OPHN1: variants seen among roughly 807,000 people sequenced by gnomAD.
The protein encoded by OPHN1 is oligophrenin-1.
Under a neutral mutation model 60.7 loss-of-function variants are expected in OPHN1, and 11 were observed. That is an observed-to-expected ratio of 0.18 (90% CI 0.11 to 0.30). OPHN1 has a LOEUF of 0.30. Ranked by LOEUF, OPHN1 falls within the 10% of genes least tolerant of loss-of-function variation. The probability of loss-of-function intolerance (pLI) is 1.00; values close to 1 mark genes in which losing one functional copy is unlikely to be tolerated. For synonymous variants in OPHN1, 226 were observed against 222.6 expected (o/e 1.02, Z -0.14); for missense variants, 449 against 611.0 (o/e 0.73, Z 2.80).
chrX:68,164,271 T>C (rs940267905), intron 15 of OPHN1, among the ~76,000 whole-genome samples: 1 of 112,330 alleles, frequency 8.9e-6, no homozygotes, highest in African/African-American at 3.2e-5. Flanking sequence ...TTCAATATAC[T>C]CTGCCCATAT....
At chrX:68,336,996 G>A (rs1347920152) in intron 2 of OPHN1, among the ~76,000 whole-genome samples, 1 of 110,622 alleles carries the variant, frequency 9.0e-6, no homozygotes, top group East Asian at 2.8e-4. Flanking sequence ...GGGAGGGAGA[G>A]GTTGTGGTGA....
intron 16 of OPHN1, among the ~76,000 whole-genome samples, chrX:68,118,127 C>A (rs764355249): frequency 2.8e-4 from 31 of 111,650 alleles, no homozygotes; most frequent in Admixed American, 2.9e-4. Context: ...GAAGATGCCC[C>A]AGTACCAGGG....
chrX:68,127,553 A>G (rs2077176864), intron 15 of OPHN1, among the ~76,000 whole-genome samples: 1 of 111,557 alleles, frequency 9.0e-6, no homozygotes, highest in African/African-American at 3.3e-5. Flanking sequence ...CATAATGTCA[A>G]TGAATGTGAA....
chrX:68,269,033 A>T (rs2077950519), intron 5 of OPHN1, among the ~76,000 whole-genome samples: 1 of 111,692 alleles, frequency 9.0e-6, no homozygotes, highest in South Asian at 3.8e-4. Context: ...CTTACAAGGG[A>T]CATGAAGGAC....
At chrX:68,171,201 T>A (rs1315507624) in intron 15 of OPHN1, among the ~76,000 whole-genome samples, 1 of 110,907 alleles carries the variant, frequency 9.0e-6, no homozygotes, top group African/African-American at 3.3e-5. Flanking sequence ...TTATTATGCA[T>A]TGCATGCCTG....
chrX:68,335,376 G>GTCC (rs1449250402), intron 2 of OPHN1, among the ~76,000 whole-genome samples: 1 of 111,911 alleles, frequency 8.9e-6, no homozygotes, highest in Non-Finnish European at 1.9e-5. Flanking sequence ...ATACTGCTGT[G>GTCC]TCCTTTGCAG....
At chrX:68,362,552 T>A (rs2078478430) in intron 2 of OPHN1, among the ~76,000 whole-genome samples, 1 of 111,387 alleles carries the variant, frequency 9.0e-6, no homozygotes, top group African/African-American at 3.3e-5. Flanking sequence ...GTAACGAGTA[T>A]GTTAATTAGC....
At chrX:68,053,624 T>A (rs1298839592) in intron 22 of OPHN1, 21 bp downstream of exon 22, 1 of 1,206,558 alleles carries the variant, frequency 8.3e-7, no homozygotes, top group Admixed American at 2.2e-5. Flanking sequence ...TCAGTCAACT[T>A]TGAGGTACAA....
At chrX:68,231,239 T>C (rs2077727442) in intron 6 of OPHN1, among the ~76,000 whole-genome samples, 1 of 111,955 alleles carries the variant, frequency 8.9e-6, no homozygotes, top group African/African-American at 3.2e-5. Context: ...ATATTCCATG[T>C]ACATATTAGG....
intron 5 of OPHN1, among the ~76,000 whole-genome samples, chrX:68,239,708 T>C (rs1218884256): frequency 4.5e-5 from 5 of 112,209 alleles, no homozygotes; most frequent in Non-Finnish European, 1.9e-5. Context: ...TATAATTATA[T>C]CATCTGCAAA....
intron 16 of OPHN1, among the ~76,000 whole-genome samples, chrX:68,116,121 G>A (rs769912277): frequency 1.8e-5 from 2 of 111,405 alleles, no homozygotes; most frequent in Non-Finnish European, 3.8e-5. Context: ...TTTATTGTGT[G>A]GAGGAATCTC....
chrX:68,185,925 GTTAA>G (rs1385950840), intron 15 of OPHN1, among the ~76,000 whole-genome samples: 1 of 111,118 alleles, frequency 9.0e-6, no homozygotes, highest in Admixed American at 9.7e-5. Flanking sequence ...GTCTCCCAAA[GTTAA>G]TATATTCTCC....
chrX:68,416,265 A>T (rs1351326631), intron 2 of OPHN1, among the ~76,000 whole-genome samples: 2 of 108,175 alleles, frequency 1.8e-5, no homozygotes, highest in South Asian at 4.1e-4. Context: ...CTGGTCTCGA[A>T]CTACTGAACT....
intron 15 of OPHN1, among the ~76,000 whole-genome samples, chrX:68,145,913 T>C (rs943443783): frequency 8.9e-6 from 1 of 111,742 alleles, no homozygotes; most frequent in South Asian, 3.7e-4. Flanking sequence ...TTTGTAAATA[T>C]TACTGGAACA....
chrX:68,242,762 T>C (rs1374496683), intron 5 of OPHN1, among the ~76,000 whole-genome samples: 2 of 112,247 alleles, frequency 1.8e-5, no homozygotes, highest in East Asian at 5.6e-4. Context: ...TTCTGATACA[T>C]GCTACAACAT....
chrX:68,225,047 T>G (rs1369756176), intron 6 of OPHN1, among the ~76,000 whole-genome samples: 1 of 112,326 alleles, frequency 8.9e-6, no homozygotes, highest in East Asian at 2.8e-4. Context: ...TCCAACGGTC[T>G]TAGCAAATGG....
At chrX:68,386,514 G>A (rs1922637675) in intron 2 of OPHN1, among the ~76,000 whole-genome samples, 2 of 111,553 alleles carry the variant, frequency 1.8e-5, no homozygotes, top group Non-Finnish European at 3.8e-5. Flanking sequence ...GCGCACCTTG[G>A]CAGCAGTCTC....
At chrX:68,087,650 C>CT (rs1344132609) in intron 19 of OPHN1, among the ~76,000 whole-genome samples, 1 of 111,987 alleles carries the variant, frequency 8.9e-6, no homozygotes, top group Non-Finnish European at 1.9e-5. Flanking sequence ...CCAGATGTCG[C>CT]TTCAGGGCTG....
At chrX:68,109,693 G>C (rs976199842) in intron 18 of OPHN1, among the ~76,000 whole-genome samples, 4 of 111,311 alleles carry the variant, frequency 3.6e-5, no homozygotes, top group Admixed American at 9.5e-5. Flanking sequence ...TCTTACAAAA[G>C]AAAAGCTAGC....
Sources: gnomAD v4.1 joint callset for allele counts (sites outside exome capture counted in the v4.1 genomes callset) on GRCh38, gnomAD v4.1.1 for gene constraint, MANE v1.5 for transcripts, NCBI Gene and HGNC (gene_info 2026-07-23, HGNC 2026-07-21) for gene names.